The following PPIP5K2 variants were observed in gnomAD, a reference collection of about 807,000 sequenced individuals.
The protein encoded by PPIP5K2 is inositol hexakisphosphate and diphosphoinositol-pentakisphosphate kinase 2.
PPIP5K2 carries 105 observed loss-of-function variants against 154.6 expected under a neutral mutation model. The ratio of observed to expected loss-of-function variants is 0.68; its 90% CI spans 0.58 to 0.80. The LOEUF (loss-of-function observed/expected upper bound fraction) is 0.80, where lower values mean the gene tolerates loss of function less well. Among genes scored for constraint, PPIP5K2 ranks in the 30% least tolerant of loss-of-function variants. The pLI is 0.00. For synonymous variants in PPIP5K2, 480 were observed against 490.3 expected, an observed-to-expected ratio of 0.98 and a Z score of 0.28; for missense variants, 992 against 1,504.6, an observed-to-expected ratio of 0.66 and a Z score of 5.64.
chr5:103,152,552 A>G (rs933621105), intron 9 of PPIP5K2, 96 bp from the exon 10 acceptor site: 22 of 693,554 alleles, frequency 3.2e-5, no homozygotes, highest in Non-Finnish European at 5.5e-5. Context: ...TAATCACTAG[A>G]TAGTTTAACT....
chr5:103,187,417 A>T (rs781813045), intron 28 of PPIP5K2, 41 bp downstream of exon 28: 3 of 1,394,850 alleles, frequency 2.2e-6, no homozygotes, highest in East Asian at 2.5e-5. Flanking sequence ...CCCCTGCTTC[A>T]TCCCTTTTTT....
Position 103,173,160 on chromosome 5 carries a change from T to A in PPIP5K2, c.2292T>A (p.Tyr764Ter). ...GTCATGTATTTTTTGCTCAGGAATA[T>A]GGTATAACTAAAGCTGAAAAACTGG... ...ALADIVIPQEYGITKAEKLEI... is the reference protein window; with the variant it reads ...ALADIVIPQE The change falls in exon 20 of 31, where the codon TAT becomes TAA. Residue 764 changes from tyrosine (Y) to a stop codon, truncating the protein, a stop_gained. Transcript: ENST00000358359. LOFTEE classifies it high-confidence loss of function. 1 of 1,596,858 alleles carries A rather than the reference T, an allele frequency of 6.3e-7. No homozygotes were observed. Among genetic ancestry groups the A allele is most frequent in the Non-Finnish European group, 8.5e-7 (1 of 1,174,012 alleles).
At chr5:103,181,702 G>A (rs782816099) in intron 24 of PPIP5K2, among the ~76,000 whole-genome samples, 2 of 152,070 alleles carry the variant, frequency 1.3e-5, no homozygotes, top group Non-Finnish European at 2.9e-5. Context: ...CAGTTCTGAA[G>A]AATTAGGTAT....
At chr5:103,153,802 A>G (rs541328955) in intron 10 of PPIP5K2, 46 bp from the exon 11 acceptor site, 1 of 1,360,214 alleles carries the variant, frequency 7.4e-7, no homozygotes, top group Admixed American at 2.0e-5. Context: ...TATACAACAC[A>G]AATCTTTTTT....
At chr5:103,127,156 T>C (rs1789825765) in intron 1 of PPIP5K2, among the ~76,000 whole-genome samples, 1 of 152,242 alleles carries the variant, frequency 6.6e-6, no homozygotes, top group Non-Finnish European at 1.5e-5. Context: ...GTTAGAACAC[T>C]TTAACTAGAA....
intron 25 of PPIP5K2, among the ~76,000 whole-genome samples, chr5:103,183,756 G>A (rs1799937859): frequency 6.6e-6 from 1 of 152,054 alleles, no homozygotes; most frequent in Admixed American, 6.6e-5. Flanking sequence ...AACAAATTAT[G>A]TAATTTGATT....
At chr5:103,175,017 C>G (rs1554220583) in intron 21 of PPIP5K2, among the ~76,000 whole-genome samples, 1 of 152,084 alleles carries the variant, frequency 6.6e-6, no homozygotes. Context: ...TCATCTAAAT[C>G]AGTCATCTCT....
chr5:103,129,685 TGAG>T lies in PPIP5K2; in HGVS notation c.102_104del (p.Glu35del), dbSNP rs782128540. Reference sequence around the variant, plus strand: ...TCTTCCACCATGCAGATGAAGACGATGAGGAGGAAGATGATTCTGTAAGTTGTT... The same window carrying T: ...TCTTCCACCATGCAGATGAAGACGATGAGGAAGATGATTCTGTAAGTTGTT... On this transcript the variant is annotated inframe_deletion, in exon 2 of 31. Transcript: ENST00000358359. 6.2e-6 allele frequency: 10 copies of T among 1,606,628 alleles called. No individual in the cohort carries two copies. The highest frequency in any genetic ancestry group is 8.5e-6 in the Non-Finnish European group (10 of 1,177,442).
chr5:103,134,325 G>C (rs32850), intron 3 of PPIP5K2, among the ~76,000 whole-genome samples: 52,147 of 151,942 alleles, frequency 0.34, 9,404 homozygotes, highest in East Asian at 0.45. Context: ...TCTGAAAATT[G>C]ATAGCCTAAG....
At chr5:103,136,612 G>C in intron 3 of PPIP5K2, 120 bp from the exon 4 acceptor site, 1 of 717,676 alleles carries the variant, frequency 1.4e-6, no homozygotes, top group African/African-American at 1.7e-5. Flanking sequence ...ACCTTTTATA[G>C]AAGGGTGTTA....
At position 103,129,442 on chromosome 5, in the gene PPIP5K2, A is replaced by G. The variant is rs185050554; in HGVS notation, c.-148A>G. On this transcript the variant is annotated 5_prime_UTR_variant, in exon 2 of 31. The change creates a new upstream start codon in the 5' untranslated region. Coordinates refer to ENST00000358359, the MANE Select transcript of PPIP5K2 (RefSeq NM_001276277.3). Reference sequence around the variant, plus strand: ...AAGAGTATTTGCCAACAGTCATCATAATATCAAGTGATTGTATAAGCAGAA... The same window carrying G: ...AAGAGTATTTGCCAACAGTCATCATGATATCAAGTGATTGTATAAGCAGAA... The G allele has an allele frequency of 1.9e-6, 1 of 521,598 alleles. No individual in the cohort carries two copies. Among genetic ancestry groups the G allele is most frequent in the Non-Finnish European group, 3.2e-6 (1 of 311,514 alleles). The allele number at this position is 521,598 out of a possible 1,614,324, so 32.3% of individuals were successfully genotyped here. A position where few individuals can be genotyped will look rare whatever the true frequency, so the allele number is the denominator to read the frequency against.
intron 7 of PPIP5K2, 145 bp downstream of exon 7, chr5:103,148,177 A>G: frequency 1.4e-6 from 1 of 709,690 alleles, no homozygotes. Flanking sequence ...TGTAACAACA[A>G]CATCTTTAGC....
At chr5:103,122,179 G>T (rs1554199273) in intron 1 of PPIP5K2, among the ~76,000 whole-genome samples, 6 of 152,124 alleles carry the variant, frequency 3.9e-5, no homozygotes, top group Non-Finnish European at 1.5e-5. Flanking sequence ...TTAACAAACT[G>T]TTCTTTCAAC....
intron 21 of PPIP5K2, among the ~76,000 whole-genome samples, chr5:103,175,316 G>T (rs1798541632): frequency 6.6e-6 from 1 of 151,852 alleles, no homozygotes; most frequent in Admixed American, 6.6e-5. Flanking sequence ...CTTTCTTCTG[G>T]TTTTTTGTTT....
intron 1 of PPIP5K2, among the ~76,000 whole-genome samples, chr5:103,121,194 C>T (rs1788650958): frequency 6.6e-6 from 1 of 152,178 alleles, no homozygotes; most frequent in Non-Finnish European, 1.5e-5. Flanking sequence ...TCGCTCTACA[C>T]TGGGACAGGA....
At position 103,210,371 on chromosome 5, in the gene PPIP5K2, G is replaced by A. The variant is rs1443594237; in HGVS notation, c.*8737G>A. On this transcript the variant is annotated 3_prime_UTR_variant, in exon 31 of 31. Coordinates refer to ENST00000358359, the MANE Select transcript of PPIP5K2 (RefSeq NM_001276277.3). ...AATTCCATTTTTGACAATGAACCTT[G>A]TGCTTCTGAAAATATTTATATTTAA... The A allele has an allele frequency of 1.3e-5, 2 of 152,184 alleles. No homozygotes were observed. Among genetic ancestry groups the A allele is most frequent in the East Asian group, 3.9e-4 (2 of 5,188 alleles). The allele number at this position is 152,184 out of a possible 1,614,324, so 9.4% of individuals were successfully genotyped here. A position where few individuals can be genotyped will look rare whatever the true frequency, so the allele number is the denominator to read the frequency against.
chr5:103,153,510 G>T (rs1794951304), intron 10 of PPIP5K2, among the ~76,000 whole-genome samples: 2 of 151,888 alleles, frequency 1.3e-5, no homozygotes, highest in African/African-American at 4.8e-5. Flanking sequence ...GTCTCAGTCT[G>T]TAGTGACCTA....
intron 26 of PPIP5K2, among the ~76,000 whole-genome samples, chr5:103,185,040 A>G (rs1800151268): frequency 6.6e-6 from 1 of 152,164 alleles, no homozygotes; most frequent in Non-Finnish European, 1.5e-5. Flanking sequence ...TATGAAGGAA[A>G]CTTCATTTTC....
chr5:103,125,496 T>C (rs528415231), intron 1 of PPIP5K2, among the ~76,000 whole-genome samples: 11 of 151,692 alleles, frequency 7.3e-5, no homozygotes, highest in African/African-American at 2.2e-4. Flanking sequence ...GTATCTCTCA[T>C]ATACTAAAGT....
Sources: gnomAD v4.1 joint callset for allele counts (sites outside exome capture counted in the v4.1 genomes callset) on GRCh38, gnomAD v4.1.1 for gene constraint, MANE v1.5 for transcripts, NCBI Gene and HGNC (gene_info 2026-07-23, HGNC 2026-07-21) for gene names.